APOL1: variants seen among roughly 807,000 people sequenced by gnomAD.
The protein encoded by APOL1 is apolipoprotein L 1.
A neutral mutation model predicts 14.9 loss-of-function variants in APOL1; 17 were observed. That is an observed-to-expected ratio of 1.14 (90% CI 0.78 to 1.71). The LOEUF (loss-of-function observed/expected upper bound fraction) is 1.71. Among genes scored for constraint, APOL1 ranks in the 40% most tolerant of loss-of-function variants. APOL1 has a pLI of 0.00. For missense variants in APOL1, 523 were observed against 485.9 expected, an observed-to-expected ratio of 1.08 and a Z score of -0.72; for synonymous variants, 195 against 184.8, an observed-to-expected ratio of 1.05 and a Z score of -0.45.
rs191246295 is a variant in APOL1, at chr22:36,266,680, C to T, written c.*647C>T. The stretch of plus-strand genomic sequence containing the variant: ...GAGCACTTTGGGAGGCCAAGGCGGG[C>T]GGATCACGAGGTCAGGAGATCGAGA... On this transcript the variant is annotated 3_prime_UTR_variant, in exon 6 of 6. Coordinates refer to ENST00000397278, the MANE Select transcript of APOL1 (RefSeq NM_003661.4). The T allele has an allele frequency of 2.1e-4, 77 of 372,966 alleles. No homozygotes were observed. Among genetic ancestry groups the T allele is most frequent in the African/African-American group, 4.6e-4 (22 of 47,962 alleles). 23.1% of individuals were successfully genotyped at this position (372,966 alleles called of 1,614,324 possible).
rs768179167 is a variant in APOL1, at chr22:36,265,730, T to C, written c.894T>C (p.His298=). ...RARANLQSVP[H]ASASRPRVTE... ...GAGCCAATCTTCAGTCAGTACCGCA[T>C]GCCTCAGCCTCACGCCCCCGGGTCA... The change falls in exon 6 of 6, where the codon CAT becomes CAC. Residue 298 remains histidine, a synonymous_variant. Coordinates refer to ENST00000397278, the MANE Select transcript of APOL1 (RefSeq NM_003661.4). The C allele has an allele frequency of 1.2e-6, 2 of 1,613,994 alleles. No homozygotes were observed. Among genetic ancestry groups the C allele is most frequent in the East Asian group, 2.2e-5 (1 of 44,878 alleles).
chr22:36,255,147 C>T (rs923918660), intron 2 of APOL1, 148 bp downstream of exon 2: 3 of 999,754 alleles, frequency 3.0e-6, no homozygotes, highest in Non-Finnish European at 4.7e-6. Flanking sequence ...GCAGACTCGC[C>T]CAGGGAGGAC....
chr22:36,259,728 G>A, intron 4 of APOL1: 1 of 1,304,236 alleles, frequency 7.7e-7, no homozygotes, highest in South Asian at 1.2e-5. Flanking sequence ...AGCCTGCAGA[G>A]GACAGAGGCA....
chr22:36,257,033 G>T, intron 2 of APOL1, 50 bp from the exon 3 acceptor site: 1 of 1,593,340 alleles, frequency 6.3e-7, no homozygotes, highest in South Asian at 1.1e-5. Context: ...TTTCTGTAAT[G>T]ATCAGATGGC....
At chr22:36,264,572 G>A (rs1333942374) in intron 5 of APOL1, among the ~76,000 whole-genome samples, 1 of 152,154 alleles carries the variant, frequency 6.6e-6, no homozygotes, top group African/African-American at 2.4e-5. Flanking sequence ...CCTTGAATGA[G>A]GAGGCATCTT....
chr22:36,254,398 T>C (rs2015789078), intron 1 of APOL1, among the ~76,000 whole-genome samples: 1 of 152,050 alleles, frequency 6.6e-6, no homozygotes, highest in African/African-American at 2.4e-5. Context: ...GCTGTCTCTA[T>C]GAAATCAAAA....
In APOL1 at chr22:36,267,473, G is replaced by C. The variant is rs940879160; in HGVS notation, c.*1440G>C. On this transcript the variant is annotated 3_prime_UTR_variant, in exon 6 of 6. Coordinates refer to ENST00000397278, the MANE Select transcript of APOL1 (RefSeq NM_003661.4). ...CTCAGATCTCTAGAGCTGTCTTGTC[G>C]CCGCCCAGGATTGACCTGTGTGTAA... is the stretch of plus-strand genomic sequence containing the variant. The C allele has an allele frequency of 6.7e-6, 1 of 149,496 alleles. No homozygotes were observed. The highest frequency in any genetic ancestry group is 1.5e-5 in the Non-Finnish European group (1 of 67,144). The allele number at this position is 149,496 out of a possible 1,614,324, so 9.3% of individuals were successfully genotyped here.
At chr22:36,254,135 C>T in intron 1 of APOL1, 1 of 841,748 alleles carries the variant, frequency 1.2e-6, no homozygotes, top group Non-Finnish European at 1.9e-6. Flanking sequence ...CCCCTCTGCC[C>T]TCCAAGAGCT....
rs370836972 is a variant in APOL1, at chr22:36,261,758, G to A, written c.314+36G>A. Reference sequence around the variant, plus strand: ...TGGGGTTACCTCCATTGGGCACTCCGGCGATGCCACCCAGCTCTCCCCTGG... The same window carrying A: ...TGGGGTTACCTCCATTGGGCACTCCAGCGATGCCACCCAGCTCTCCCCTGG... On this transcript the variant is annotated intron_variant, in intron 5 of 5. Transcript: ENST00000397278. The A allele has an allele frequency of 1.8e-4, 293 of 1,593,078 alleles. 1 individual carries two copies. The African/African-American group carries it at 3.4e-3, about 19-fold the overall frequency.
At chr22:36,261,190 A>G (rs1257497271) in intron 4 of APOL1, among the ~76,000 whole-genome samples, 1 of 152,184 alleles carries the variant, frequency 6.6e-6, no homozygotes, top group Non-Finnish European at 1.5e-5. Context: ...CAGAGGCAAG[A>G]AGTCCAAGGT....
Position 36,265,887 on chromosome 22 carries a change from T to C in APOL1, c.1051T>C (p.Tyr351His), listed in dbSNP as rs375837468. 24 of 1,614,030 alleles carry C rather than the reference T, an allele frequency of 1.5e-5. No homozygotes were observed. The Middle Eastern group carries it at 4.9e-4, about 33-fold the overall frequency. ...CTTCTTTCTTGTGCTGGATGTAGTCTACCTCGTGTACGAATCAAAGCACTT... is the reference window on the plus strand; with the variant it reads ...CTTCTTTCTTGTGCTGGATGTAGTCCACCTCGTGTACGAATCAAAGCACTT... Reference protein sequence around the residue: ...VSFFLVLDVVYLVYESKHLHE... With the variant: ...VSFFLVLDVVHLVYESKHLHE... The change falls in exon 6 of 6, where the codon TAC becomes CAC. Residue 351 changes from tyrosine to histidine, a missense_variant. Physicochemically the swap from Tyr to His is moderately conservative, Grantham distance 83 (BLOSUM62 2). Coordinates refer to ENST00000397278, the MANE Select transcript of APOL1 (RefSeq NM_003661.4).
intron 3 of APOL1, 54 bp downstream of exon 3, chr22:36,257,190 G>C: frequency 6.2e-7 from 1 of 1,612,492 alleles, no homozygotes; most frequent in Non-Finnish European, 8.5e-7. Flanking sequence ...CAAACAATCT[G>C]GTTTAGGTTG....
rs948656444 is a variant in APOL1 at position 36,256,183 on chromosome 22, T to G, written c.45-900T>G. Among the ~76,000 whole-genome samples, 19 of 148,794 alleles carry G rather than the reference T, an allele frequency of 1.3e-4. 1 individual carries two copies. Among genetic ancestry groups the G allele is most frequent in the South Asian group, 1.1e-3 (5 of 4,740 alleles). ...TTTATATGTTGTGTATATGTTTTGG[T>G]TTTTTTTTGTCTTAAACAAGAGACT... On this transcript the variant is annotated intron_variant, in intron 2 of 5. Coordinates refer to ENST00000397278, the MANE Select transcript of APOL1 (RefSeq NM_003661.4).
intron 1 of APOL1, chr22:36,253,983 T>C (rs1249956055): frequency 1.9e-6 from 3 of 1,614,186 alleles, no homozygotes; most frequent in African/African-American, 1.3e-5. Context: ...AAAGCCACAC[T>C]GTGGAATTGT....
intron 4 of APOL1, among the ~76,000 whole-genome samples, chr22:36,260,256 C>T (rs1022778886): frequency 2.0e-5 from 3 of 152,064 alleles, no homozygotes; most frequent in Admixed American, 6.6e-5. Context: ...ATTACCAGGC[C>T]TGGTGGCAGG....
rs1210830303 is a variant in APOL1 at position 36,266,743 on chromosome 22, AAAATAC to A, written c.*714_*719del. On this transcript the variant is annotated 3_prime_UTR_variant, in exon 6 of 6. Transcript: ENST00000397278. Reference sequence around the variant, plus strand: ...ACACAGTGAAACCCCGTCTCTACTAAAAATACAAAAAATTAGCCGGGCATGGTGGCG... The same window carrying A: ...ACACAGTGAAACCCCGTCTCTACTAAAAAAAATTAGCCGGGCATGGTGGCG... 3.0e-6 allele frequency: 1 copy of A among 331,310 alleles called. No homozygotes were observed. The highest frequency in any genetic ancestry group is 4.9e-5 in the Admixed American group (1 of 20,460). 20.5% of individuals were successfully genotyped at this position (331,310 alleles called of 1,614,324 possible). A position where few individuals can be genotyped will look rare whatever the true frequency, so the allele number is the denominator to read the frequency against.
At chr22:36,261,407 ACCTGAGTTT>A (rs2016067075) in intron 4 of APOL1, among the ~76,000 whole-genome samples, 180 bp from the exon 5 acceptor site, 1 of 152,078 alleles carries the variant, frequency 6.6e-6, no homozygotes, top group African/African-American at 2.4e-5. Context: ...AAATGTAGTC[ACCTGAGTTT>A]AAAGCTTCAG....
Position 36,266,915 on chromosome 22 carries a change from A to G in APOL1, c.*882A>G, listed in dbSNP as rs1171235192. 1.1e-5 allele frequency: 2 copies of G among 180,444 alleles called. No homozygotes were observed. The highest frequency in any genetic ancestry group is 6.2e-5 in the Admixed American group (1 of 16,056). 11.2% of individuals were successfully genotyped at this position (180,444 alleles called of 1,614,324 possible). A position where few individuals can be genotyped will look rare whatever the true frequency, so the allele number is the denominator to read the frequency against. ...GCGAGACTCCATCTCAAAAAAAAAA[A>G]AAAAAAGAATATATTGACGGAAGAA... On this transcript the variant is annotated 3_prime_UTR_variant, in exon 6 of 6. Transcript: ENST00000397278.
rs183210515 is a variant in APOL1, at chr22:36,256,464, C to T, written c.45-619C>T. On this transcript the variant is annotated intron_variant, in intron 2 of 5. Coordinates refer to ENST00000397278, the MANE Select transcript of APOL1 (RefSeq NM_003661.4). ...TTAGAAACACCCTGAGGTCCATCAGCTAGGGAAAGACAGCAGAGGGGACAG... is the reference window on the plus strand; with the variant it reads ...TTAGAAACACCCTGAGGTCCATCAGTTAGGGAAAGACAGCAGAGGGGACAG... 3.3e-5 allele frequency among the ~76,000 whole-genome samples: 5 copies of T among 152,332 alleles called. No homozygotes were observed. The East Asian group carries it at 9.6e-4, about 29-fold the overall frequency.
Sources: allele counts gnomAD v4.1 joint callset (sites outside exome capture counted in the v4.1 genomes callset), GRCh38; gene constraint gnomAD v4.1.1; transcripts MANE v1.5; gene names NCBI Gene and HGNC (gene_info 2026-07-23, HGNC 2026-07-21).